The following VSTM2B variants were observed in gnomAD, a reference collection of about 807,000 sequenced individuals.
VSTM2B encodes V-set and transmembrane domain containing 2B, also known as V-set and transmembrane domain-containing protein 2B.
Under a neutral mutation model 24.0 loss-of-function variants are expected in VSTM2B, and 24 were observed. The ratio of observed to expected loss-of-function variants is 1.00; its 90% CI spans 0.72 to 1.40. VSTM2B has a LOEUF of 1.40. Among genes scored for constraint, VSTM2B ranks in the 40% most tolerant of loss-of-function variants. The probability of loss-of-function intolerance (pLI) is 0.00; values close to 1 mark genes in which losing one functional copy is unlikely to be tolerated. For synonymous variants in VSTM2B, 226 were observed against 194.4 expected (o/e 1.16, Z -1.35); for missense variants, 399 against 416.4 (o/e 0.96, Z 0.36).
intron 4 of VSTM2B, among the ~76,000 whole-genome samples, chr19:29,554,129 C>T (rs1970352923): frequency 6.6e-6 from 1 of 152,126 alleles, no homozygotes; most frequent in Non-Finnish European, 1.5e-5. Context: ...TCATCAGATT[C>T]TCCAAGGTTG....
rs115023113 is a variant in VSTM2B at position 29,547,906 on chromosome 19, C to T, written c.770-15940C>T. ...ATTGAAGTGGGGGGATGGGGAATTA[C>T]GGACAAACCCCAACTGCGGCACTCA... is the stretch of plus-strand genomic sequence containing the variant. On this transcript the variant is annotated intron_variant, in intron 4 of 4. Coordinates refer to ENST00000335523, the MANE Select transcript of VSTM2B (RefSeq NM_001146339.2). Among the ~76,000 whole-genome samples, 282 of 152,102 alleles carry T rather than the reference C, an allele frequency of 1.9e-3. 1 individual carries two copies. Among genetic ancestry groups the T allele is most frequent in the African/African-American group, 6.0e-3 (248 of 41,500 alleles).
intron 4 of VSTM2B, among the ~76,000 whole-genome samples, chr19:29,547,628 C>T (rs141130683): frequency 2.0e-5 from 3 of 152,100 alleles, no homozygotes; most frequent in East Asian, 3.9e-4. Flanking sequence ...GCTTCCTCCA[C>T]GACCAGAGAG....
chr19:29,530,169 C>G lies in VSTM2B; in HGVS notation c.648C>G (p.Pro216=), dbSNP rs1016476325. The G allele has an allele frequency of 2.7e-6, 4 of 1,488,026 alleles. No homozygotes were observed. The South Asian group carries it at 3.8e-5, about 14-fold the overall frequency. The allele number at this position is 1,488,026 out of a possible 1,614,324, so 92.2% of individuals were successfully genotyped here. Residue 216 remains proline, a synonymous_variant, in exon 4 of 5, where the codon CCC becomes CCG. Transcript: ENST00000335523. ...SPPAAIDPAV[P]EAAAASAAHT... is the part of the protein sequence containing the mutation. ...CCGCCGCCATCGATCCCGCAGTCCC[C>G]GAGGCCGCGGCAGCCTCGGCGGCCC...
At chr19:29,537,363 G>C (rs1231336340) in intron 4 of VSTM2B, among the ~76,000 whole-genome samples, 1 of 152,144 alleles carries the variant, frequency 6.6e-6, no homozygotes, top group African/African-American at 2.4e-5. Context: ...GGTGGAGGTG[G>C]CTGCGGGGGC....
chr19:29,528,283 C>CGGA (rs1444183701), intron 2 of VSTM2B, 150 bp from the exon 3 acceptor site: 1 of 934,736 alleles, frequency 1.1e-6, no homozygotes. Context: ...CTTGGAAAGC[C>CGGA]GGACGTCCTT....
At chr19:29,536,612 T>C (rs1969896815) in intron 4 of VSTM2B, among the ~76,000 whole-genome samples, 1 of 152,164 alleles carries the variant, frequency 6.6e-6, no homozygotes, top group South Asian at 2.1e-4. Flanking sequence ...CTTTCCTCCT[T>C]CCCACAGTTC....
intron 4 of VSTM2B, among the ~76,000 whole-genome samples, 186 bp downstream of exon 4, chr19:29,530,476 C>A (rs1969727922): frequency 6.6e-6 from 1 of 152,246 alleles, no homozygotes. Context: ...TCTGTCTTTA[C>A]TCCTGGCCTC....
At chr19:29,552,328 T>C (rs2145503525) in intron 4 of VSTM2B, among the ~76,000 whole-genome samples, 1 of 152,350 alleles carries the variant, frequency 6.6e-6, no homozygotes, top group East Asian at 1.9e-4. Context: ...GATCCAGGGA[T>C]GTCTCAAAAT....
At chr19:29,536,875 G>A (rs1969903442) in intron 4 of VSTM2B, among the ~76,000 whole-genome samples, 1 of 152,226 alleles carries the variant, frequency 6.6e-6, no homozygotes, top group African/African-American at 2.4e-5. Flanking sequence ...ATGAGGTCAA[G>A]TGCTTTTGTA....
chr19:29,548,078 G>T (rs1568444245), intron 4 of VSTM2B, among the ~76,000 whole-genome samples: 1 of 152,038 alleles, frequency 6.6e-6, no homozygotes, highest in Non-Finnish European at 1.5e-5. Context: ...GCATAGTGGA[G>T]GCCTGAACTG....
chr19:29,540,199 G>T (rs1055120757), intron 4 of VSTM2B, among the ~76,000 whole-genome samples: 2 of 152,258 alleles, frequency 1.3e-5, no homozygotes, highest in Non-Finnish European at 2.9e-5. Context: ...TTCCTGGTCT[G>T]CTGTATCTGG....
At chr19:29,533,790 C>A (rs1443695383) in intron 4 of VSTM2B, among the ~76,000 whole-genome samples, 1 of 152,228 alleles carries the variant, frequency 6.6e-6, no homozygotes, top group East Asian at 1.9e-4. Context: ...GCATCACCAG[C>A]CAGTGCCCCG....
chr19:29,554,218 T>C (rs1335733832), intron 4 of VSTM2B, among the ~76,000 whole-genome samples: 2 of 152,182 alleles, frequency 1.3e-5, no homozygotes, highest in Admixed American at 1.3e-4. Flanking sequence ...ATACTAATGG[T>C]GGACCTCTTA....
At chr19:29,552,261 A>G (rs111436735) in intron 4 of VSTM2B, among the ~76,000 whole-genome samples, 284 of 152,320 alleles carry the variant, frequency 1.9e-3, no homozygotes, top group African/African-American at 6.5e-3. Context: ...GATTGTTTAT[A>G]TGTCTGATGA....
intron 4 of VSTM2B, among the ~76,000 whole-genome samples, chr19:29,544,750 C>T (rs1429231182): frequency 6.6e-6 from 1 of 152,070 alleles, no homozygotes; most frequent in Admixed American, 6.5e-5. Flanking sequence ...TCGAGACAGG[C>T]CTCTCAGCCC....
chr19:29,536,874 A>G (rs1969903345), intron 4 of VSTM2B, among the ~76,000 whole-genome samples: 1 of 152,234 alleles, frequency 6.6e-6, no homozygotes, highest in Non-Finnish European at 1.5e-5. Flanking sequence ...AATGAGGTCA[A>G]GTGCTTTTGT....
intron 4 of VSTM2B, among the ~76,000 whole-genome samples, chr19:29,551,163 C>T (rs1390799903): frequency 6.6e-6 from 1 of 152,208 alleles, no homozygotes; most frequent in Non-Finnish European, 1.5e-5. Flanking sequence ...CTCTGCACTC[C>T]GTTCCACAGC....
Position 29,530,189 on chromosome 19 carries a change from C to T in VSTM2B, c.668C>T (p.Ala223Val), listed in dbSNP as rs986044670. 2 of 1,491,032 alleles carry T rather than the reference C, an allele frequency of 1.3e-6. No homozygotes were observed. The highest frequency in any genetic ancestry group is 1.8e-6 in the Non-Finnish European group (2 of 1,127,754). 92.4% of individuals were successfully genotyped at this position (1,491,032 alleles called of 1,614,324 possible). A position where few individuals can be genotyped will look rare whatever the true frequency, so the allele number is the denominator to read the frequency against. ...GTCCCCGAGGCCGCGGCAGCCTCGG[C>T]GGCCCACACGCCCACCACCACAGTC... ...PAVPEAAAAS[A>V]AHTPTTTVAA... The change falls in exon 4 of 5, where the codon GCG (alanine) becomes GTG (valine). Residue 223 changes from alanine to valine, a missense_variant. Ala to Val is a moderately conservative substitution (Grantham distance 64). Transcript: ENST00000335523.
intron 4 of VSTM2B, among the ~76,000 whole-genome samples, chr19:29,544,096 C>G (rs561018309): frequency 6.6e-6 from 1 of 150,832 alleles, no homozygotes; most frequent in East Asian, 1.9e-4. Flanking sequence ...ATATAGTTCT[C>G]CTGTGTGTAT....
Sources: gnomAD v4.1 joint callset for allele counts (sites outside exome capture counted in the v4.1 genomes callset) on GRCh38, gnomAD v4.1.1 for gene constraint, MANE v1.5 for transcripts, NCBI Gene and HGNC (gene_info 2026-07-23, HGNC 2026-07-21) for gene names.